KATNAL2: variants seen among roughly 807,000 people sequenced by gnomAD.
KATNAL2 encodes the protein katanin p60 ATPase-containing subunit A-like 2.
Under a neutral mutation model 76.3 loss-of-function variants are expected in KATNAL2, and 52 were observed. The observed-to-expected ratio is 0.68, with a 90% CI of 0.55 to 0.86. The LOEUF (loss-of-function observed/expected upper bound fraction) is 0.86. KATNAL2 is among the 40% of genes least tolerant of loss of function. The pLI is 0.00. For missense variants in KATNAL2, 660 were observed against 668.9 expected, an observed-to-expected ratio of 0.99 and a Z score of 0.15; for synonymous variants, 243 against 244.2, an observed-to-expected ratio of 1.00 and a Z score of 0.05.
intron 8 of KATNAL2, among the ~76,000 whole-genome samples, chr18:47,060,442 T>C (rs550823065): frequency 6.6e-6 from 1 of 152,326 alleles, no homozygotes; most frequent in South Asian, 2.1e-4. Context: ...CCTTGATAGA[T>C]ATTTTTACCT....
At chr18:47,093,216 G>A (rs533810156) in intron 15 of KATNAL2, among the ~76,000 whole-genome samples, 169 of 152,292 alleles carry the variant, frequency 1.1e-3, no homozygotes, top group Non-Finnish European at 1.9e-3. Flanking sequence ...CTGCCTCACA[G>A]GGTTGTTGTG....
intron 3 of KATNAL2, chr18:47,033,229 G>A (rs766105351): frequency 6.2e-7 from 1 of 1,613,868 alleles, no homozygotes; most frequent in East Asian, 2.2e-5. Flanking sequence ...GCTGCTTCCC[G>A]CGGGCTTGGA....
intron 3 of KATNAL2, among the ~76,000 whole-genome samples, chr18:46,961,984 T>C (rs746233847): frequency 6.6e-6 from 1 of 152,238 alleles, no homozygotes; most frequent in Admixed American, 6.5e-5. Context: ...GCTACAGTTA[T>C]CTTCAGGCAT....
chr18:47,035,836 T>C (rs535184922), intron 3 of KATNAL2, among the ~76,000 whole-genome samples: 4 of 152,036 alleles, frequency 2.6e-5, no homozygotes, highest in African/African-American at 9.6e-5. Context: ...TTCTTGGGAG[T>C]AAAACAGAAA....
At chr18:47,067,506 T>C (rs2061851112) in intron 11 of KATNAL2, among the ~76,000 whole-genome samples, 1 of 152,112 alleles carries the variant, frequency 6.6e-6, no homozygotes, top group Admixed American at 6.5e-5. Context: ...CCTGCCCCCC[T>C]GACCTACCCT....
chr18:47,033,156 G>A (rs543160054), intron 3 of KATNAL2: 6 of 1,613,986 alleles, frequency 3.7e-6, no homozygotes, highest in Non-Finnish European at 5.1e-6. Flanking sequence ...CAGGGAGCCA[G>A]CGAAGGATGC....
intron 1 of KATNAL2, among the ~76,000 whole-genome samples, chr18:46,941,773 C>CT (rs1411332404): frequency 6.6e-6 from 1 of 152,174 alleles, no homozygotes; most frequent in Admixed American, 6.5e-5. Context: ...TGTTTTCCAA[C>CT]TGTTACACAT....
intron 7 of KATNAL2, 138 bp from the exon 8 acceptor site, chr18:47,059,418 G>A (rs1427735130): frequency 3.0e-6 from 2 of 668,982 alleles, no homozygotes; most frequent in African/African-American, 3.6e-5. Flanking sequence ...CTGCACAAAT[G>A]TGGCTAAGCT....
intron 4 of KATNAL2, among the ~76,000 whole-genome samples, chr18:47,049,080 C>T (rs960551116): frequency 1.3e-5 from 2 of 152,112 alleles, no homozygotes; most frequent in South Asian, 2.1e-4. Flanking sequence ...GCCTCGGCCT[C>T]CCAAAGTGCT....
At chr18:46,929,869 G>T (rs1226189766) in intron 1 of KATNAL2, among the ~76,000 whole-genome samples, 1 of 152,132 alleles carries the variant, frequency 6.6e-6, no homozygotes, top group Non-Finnish European at 1.5e-5. Flanking sequence ...CTGCCTCCCA[G>T]GTTTGAGTGA....
At chr18:47,077,682 A>G (rs370054145) in intron 15 of KATNAL2, 28 of 428,510 alleles carry the variant, frequency 6.5e-5, no homozygotes, top group African/African-American at 3.7e-4. Flanking sequence ...CATTAACAAT[A>G]TTTAAAATGG....
At chr18:47,038,331 A>G (rs1161106937) in intron 3 of KATNAL2, among the ~76,000 whole-genome samples, 1 of 152,182 alleles carries the variant, frequency 6.6e-6, no homozygotes, top group Non-Finnish European at 1.5e-5. Flanking sequence ...ATGACTCTCC[A>G]GGGATTCTAA....
Position 46,946,522 on chromosome 18 carries a change from G to C in KATNAL2, c.-44G>C. 1.0e-6 allele frequency: 1 copy of C among 985,468 alleles called. No individual in the cohort carries two copies. Among genetic ancestry groups the C allele is most frequent in the Non-Finnish European group, 1.2e-6 (1 of 829,926 alleles). 61.0% of individuals were successfully genotyped at this position (985,468 alleles called of 1,614,324 possible). ...TTGGGTCGCAAAGACCTGAACAACGGCTGAAATCAAGGACAAATATTATGG... is the reference window on the plus strand; with the variant it reads ...TTGGGTCGCAAAGACCTGAACAACGCCTGAAATCAAGGACAAATATTATGG... On this transcript the variant is annotated 5_prime_UTR_variant, in exon 2 of 18. Coordinates refer to ENST00000683218, the MANE Select transcript of KATNAL2 (RefSeq NM_001387690.1).
In KATNAL2 at chr18:46,943,393, G is replaced by A. The variant is rs145829345; in HGVS notation, c.-509-2664G>A. 2.9e-3 allele frequency among the ~76,000 whole-genome samples: 439 copies of A among 152,268 alleles called. 2 individuals carry two copies. In the Middle Eastern group the frequency reaches 0.034, roughly 12 times the overall value. On this transcript the variant is annotated intron_variant, in intron 1 of 17. Coordinates refer to ENST00000683218, the MANE Select transcript of KATNAL2 (RefSeq NM_001387690.1). ...AGGATGAGATAGGAGGTCAGCACAA[G>A]ATACAGAACAAAGACCTTGCTGATA...
At chr18:46,943,162 T>C (rs2059294963) in intron 1 of KATNAL2, among the ~76,000 whole-genome samples, 2 of 152,148 alleles carry the variant, frequency 1.3e-5, no homozygotes, top group Non-Finnish European at 2.9e-5. Flanking sequence ...ACTCTCATCC[T>C]TGGCACACAC....
At chr18:46,949,393 C>T (rs1241341120) in intron 3 of KATNAL2, among the ~76,000 whole-genome samples, 4 of 152,158 alleles carry the variant, frequency 2.6e-5, no homozygotes, top group African/African-American at 9.7e-5. Flanking sequence ...GCTGGAACCA[C>T]AGGCATGTAC....
chr18:46,934,300 C>A (rs1457314282), intron 1 of KATNAL2, among the ~76,000 whole-genome samples: 2 of 152,224 alleles, frequency 1.3e-5, no homozygotes, highest in African/African-American at 2.4e-5. Flanking sequence ...CACATCCTCT[C>A]CAGCACCTGT....
At chr18:47,090,609 A>T (rs2062958362) in intron 15 of KATNAL2, among the ~76,000 whole-genome samples, 1 of 152,210 alleles carries the variant, frequency 6.6e-6, no homozygotes, top group Non-Finnish European at 1.5e-5. Context: ...AAGAATAAAA[A>T]TATACAAGGG....
At chr18:47,090,520 G>A (rs2062953782) in intron 15 of KATNAL2, among the ~76,000 whole-genome samples, 1 of 152,156 alleles carries the variant, frequency 6.6e-6, no homozygotes, top group Non-Finnish European at 1.5e-5. Flanking sequence ...CAATCTGATT[G>A]AACAATCAGT....
Sources: allele counts gnomAD v4.1 joint callset (sites outside exome capture counted in the v4.1 genomes callset), GRCh38; gene constraint gnomAD v4.1.1; transcripts MANE v1.5; gene names NCBI Gene and HGNC (gene_info 2026-07-23, HGNC 2026-07-21).